The following AGO3 variants were observed in gnomAD, a reference collection of about 807,000 sequenced individuals.
AGO3 encodes protein argonaute-3.
In AGO3, 16 loss-of-function variants were observed where a neutral mutation model predicts 105.5. The observed-to-expected ratio is 0.15, with a 90% confidence interval of 0.10 to 0.23. The LOEUF is 0.23. AGO3 is among the 10% of genes least tolerant of loss of function. The pLI is 1.00. For missense variants in AGO3, 534 were observed against 1,088.0 expected (o/e 0.49, Z 7.16); for synonymous variants, 340 against 367.3 (o/e 0.93, Z 0.85).
chr1:36,029,598 G>A (rs539378466), intron 12 of AGO3, among the ~76,000 whole-genome samples: 9 of 151,004 alleles, frequency 6.0e-5, no homozygotes, highest in South Asian at 4.2e-4. Context: ...GGGTTTCACC[G>A]TGTTAGCCAG....
chr1:35,949,404 T>C (rs1394193622), intron 2 of AGO3, among the ~76,000 whole-genome samples: 1 of 152,262 alleles, frequency 6.6e-6, no homozygotes. Context: ...TTTACAGTAT[T>C]ACTGCATGAC....
At chr1:35,971,930 C>T in intron 3 of AGO3, 94 bp from the exon 4 acceptor site, 6 of 1,215,214 alleles carry the variant, frequency 4.9e-6, no homozygotes, top group African/African-American at 1.5e-5. Flanking sequence ...TTATTTTTGC[C>T]ATGTTTTCTC....
chr1:35,953,562 A>G (rs1179296895), intron 2 of AGO3, among the ~76,000 whole-genome samples: 2 of 145,900 alleles, frequency 1.4e-5, no homozygotes, highest in South Asian at 2.1e-4. Context: ...GTCTTACTCT[A>G]TTGCCCAGGC....
intron 13 of AGO3, 116 bp downstream of exon 13, chr1:36,034,449 A>C: frequency 3.0e-6 from 2 of 662,028 alleles, no homozygotes; most frequent in Non-Finnish European, 4.3e-6. Context: ...AATTCCTACT[A>C]TGGGAGATTC....
At chr1:35,995,974 C>T (rs548039651) in intron 5 of AGO3, among the ~76,000 whole-genome samples, 1 of 152,052 alleles carries the variant, frequency 6.6e-6, no homozygotes, top group African/African-American at 2.4e-5. Context: ...CCACTGCACC[C>T]GGCTAGGATT....
intron 12 of AGO3, among the ~76,000 whole-genome samples, chr1:36,033,344 A>T (rs1412538895): frequency 6.6e-6 from 1 of 151,492 alleles, no homozygotes; most frequent in Non-Finnish European, 1.5e-5. Flanking sequence ...CTCAAAAAAA[A>T]AAAAAGAAGT....
chr1:35,973,406 G>A lies in AGO3; in HGVS notation c.553G>A (p.Ala185Thr), dbSNP rs1457091939. 2.3e-5 allele frequency: 37 copies of A among 1,583,322 alleles called. No homozygotes were observed. Among genetic ancestry groups the A allele is most frequent in the East Asian group, 4.6e-5 (2 of 43,914 alleles). ...ACCTGTGGGGCGTTCATTTTTCTCCGCTCCAGAAGGATATGACCACCCTCT... is the reference window on the plus strand; with the variant it reads ...ACCTGTGGGGCGTTCATTTTTCTCCACTCCAGAAGGATATGACCACCCTCT... ...YTPVGRSFFS[A>T]PEGYDHPLGG... Residue 185 changes from alanine (A) to threonine (T), a missense_variant, in exon 5 of 19, where the codon GCT becomes ACT. This residue lies in a region of AGO3 where 161 missense variants were observed against 234.0 expected (regional missense o/e 0.69). Coordinates refer to ENST00000373191, the MANE Select transcript of AGO3 (RefSeq NM_024852.4).
rs369710801 is a variant in AGO3, at chr1:35,945,812, A to G, written c.140A>G (p.Tyr47Cys). 1 of 1,613,812 alleles carries G rather than the reference A, an allele frequency of 6.2e-7. No individual in the cohort carries two copies. The highest frequency in any genetic ancestry group is 8.5e-7 in the Non-Finnish European group (1 of 1,179,978). ...FQVEIPKIDV[Y>C]LYEVDIKPDK... is the part of the protein sequence containing the mutation. ...GTTGAAATCCCAAAGATTGATGTCT[A>G]CCTCTATGAGGTAGATATTAAACCA... Residue 47 changes from tyrosine (Y) to cysteine (C), a missense_variant, in exon 2 of 19, where the codon TAC (tyrosine) becomes TGC (cysteine). This residue lies in a region of AGO3 where 161 missense variants were observed against 234.0 expected (regional missense o/e 0.69). Coordinates refer to ENST00000373191, the MANE Select transcript of AGO3 (RefSeq NM_024852.4).
At chr1:35,989,513 C>A (rs1647416288) in intron 5 of AGO3, among the ~76,000 whole-genome samples, 1 of 152,118 alleles carries the variant, frequency 6.6e-6, no homozygotes, top group African/African-American at 2.4e-5. Flanking sequence ...AAGAATATTT[C>A]TTTAGCTTGT....
chr1:36,030,415 A>T (rs1641718252), intron 12 of AGO3, among the ~76,000 whole-genome samples: 1 of 151,818 alleles, frequency 6.6e-6, no homozygotes, highest in Non-Finnish European at 1.5e-5. Context: ...AGATAGGAAG[A>T]TCACTTGAGC....
chr1:35,979,511 C>G (rs1557662253), intron 5 of AGO3, among the ~76,000 whole-genome samples: 1 of 152,088 alleles, frequency 6.6e-6, no homozygotes. Context: ...AAATATCCAT[C>G]AGAGCTACCA....
chr1:35,936,129 G>C (rs958724057), intron 1 of AGO3, among the ~76,000 whole-genome samples: 1 of 152,066 alleles, frequency 6.6e-6, no homozygotes, highest in Non-Finnish European at 1.5e-5. Flanking sequence ...AGAATATTGT[G>C]TGGTTTTTCA....
At chr1:35,946,469 A>G (rs1646367005) in intron 2 of AGO3, among the ~76,000 whole-genome samples, 1 of 152,200 alleles carries the variant, frequency 6.6e-6, no homozygotes, top group Non-Finnish European at 1.5e-5. Flanking sequence ...GATTGGATAT[A>G]TACTATGTCT....
Position 36,027,064 on chromosome 1 carries a change from G to A in AGO3, c.1407-50G>A, listed in dbSNP as rs745580103. On this transcript the variant is annotated intron_variant, in intron 11 of 18. Coordinates refer to ENST00000373191, the MANE Select transcript of AGO3 (RefSeq NM_024852.4). The surrounding 1 kb of genome is among the most constrained non-coding windows in gnomAD (Gnocchi z 4.0). Reference sequence around the variant, plus strand: ...CCAAACTTCCCATTACTACTTTGTAGGAATTCATGACTAGACAAAGGTTTT... The same window carrying A: ...CCAAACTTCCCATTACTACTTTGTAAGAATTCATGACTAGACAAAGGTTTT... The A allele has an allele frequency of 7.1e-6, 11 of 1,546,168 alleles. No homozygotes were observed. In the Admixed American group the frequency reaches 1.2e-4, roughly 17 times the overall value.
At chr1:35,940,251 G>C (rs1646229890) in intron 1 of AGO3, among the ~76,000 whole-genome samples, 1 of 152,038 alleles carries the variant, frequency 6.6e-6, no homozygotes, top group South Asian at 2.1e-4. Context: ...ATTTTTAGTA[G>C]AGACGGGGTT....
intron 5 of AGO3, among the ~76,000 whole-genome samples, chr1:35,985,823 AC>A (rs1647162168): frequency 1.3e-5 from 2 of 152,236 alleles, no homozygotes; most frequent in Admixed American, 1.3e-4. Context: ...AAAGTTAAAA[AC>A]ATTAGAAAAT....
intron 9 of AGO3, among the ~76,000 whole-genome samples, chr1:36,009,932 C>CTTTTTTTTTTTTTTTTTTT (rs58385070): frequency 1.7e-5 from 1 of 58,202 alleles, no homozygotes; most frequent in Non-Finnish European, 3.0e-5. Flanking sequence ...TACTAAAATT[C>CTTTTTTTTTTTTTTTTTTT]TTTTTTTTTT....
rs601495 is a variant in AGO3 at position 36,051,875 on chromosome 1, C to G, written c.2275-3071C>G. Among the ~76,000 whole-genome samples, 211 of 152,242 alleles carry G rather than the reference C, an allele frequency of 1.4e-3. 2 individuals carry two copies. The highest frequency in any genetic ancestry group is 4.6e-3 in the African/African-American group (192 of 41,540). On this transcript the variant is annotated intron_variant, in intron 17 of 18. Coordinates refer to ENST00000373191, the MANE Select transcript of AGO3 (RefSeq NM_024852.4). ...TCACCAGGGGAATGCCAATTAAAAT[C>G]ACAATGAGATATCATCTCACTCAAA... is the stretch of plus-strand genomic sequence containing the variant.
At chr1:35,953,361 ATTAT>A (rs943730173) in intron 2 of AGO3, among the ~76,000 whole-genome samples, 2 of 151,896 alleles carry the variant, frequency 1.3e-5, no homozygotes, top group African/African-American at 4.8e-5. Flanking sequence ...CCAATATGTT[ATTAT>A]TTGTCTTTTT....
Sources: allele counts gnomAD v4.1 joint callset (sites outside exome capture counted in the v4.1 genomes callset), GRCh38; gene constraint gnomAD v4.1.1; regional missense constraint gnomAD v4.1.1; non-coding constraint Gnocchi (gnomAD v3.1); transcripts MANE v1.5; gene names NCBI Gene and HGNC (gene_info 2026-07-23, HGNC 2026-07-21).